The following MDGA2 variants were observed in gnomAD, a reference collection of about 807,000 sequenced individuals.
The protein encoded by MDGA2 is MAM domain-containing glycosylphosphatidylinositol anchor protein 2.
A neutral mutation model predicts 117.8 loss-of-function variants in MDGA2; 40 were observed. That is an observed-to-expected ratio of 0.34 (90% CI 0.26 to 0.44). The LOEUF (loss-of-function observed/expected upper bound fraction) is 0.44. Ranked by LOEUF, MDGA2 falls within the 20% of genes least tolerant of loss-of-function variation. MDGA2 has a pLI of 1.00. For missense variants in MDGA2, 1,123 were observed against 1,250.6 expected (o/e 0.90, Z 1.54); for synonymous variants, 452 against 439.0 (o/e 1.03, Z -0.37).
intron 5 of MDGA2, among the ~76,000 whole-genome samples, chr14:47,098,822 A>G (rs941437262): frequency 5.9e-5 from 9 of 152,114 alleles, no homozygotes; most frequent in Admixed American, 5.9e-4. Context: ...TATTTGGACT[A>G]TGGACATACC....
chr14:47,196,623 A>G (rs529111794), intron 3 of MDGA2, among the ~76,000 whole-genome samples: 62 of 152,348 alleles, frequency 4.1e-4, no homozygotes, highest in African/African-American at 1.4e-3. Flanking sequence ...ATTATTTAAA[A>G]GTATATTCTC....
At chr14:47,627,754 CTTTGTTCT>C (rs936950332) in intron 1 of MDGA2, among the ~76,000 whole-genome samples, 4 of 152,186 alleles carry the variant, frequency 2.6e-5, no homozygotes, top group South Asian at 2.1e-4. Flanking sequence ...ATTGTGGAAG[CTTTGTTCT>C]TTTGTTCTTT....
rs1880626385 is a variant in MDGA2 at position 46,841,882 on chromosome 14, C to T, written c.*49G>A. ...CAATGTCCATTTACAAAGACTCTTT[C>T]TTCATGCCAGTGCCTGGTGAATCTT... On this transcript the variant is annotated 3_prime_UTR_variant, in exon 17 of 17. Transcript: ENST00000399232. 2.4e-6 allele frequency: 3 copies of T among 1,259,646 alleles called. No homozygotes were observed. Among genetic ancestry groups the T allele is most frequent in the Non-Finnish European group, 3.4e-6 (3 of 877,518 alleles). The allele number at this position is 1,259,646 out of a possible 1,614,324, so 78.0% of individuals were successfully genotyped here. A position where few individuals can be genotyped will look rare whatever the true frequency, so the allele number is the denominator to read the frequency against.
chr14:47,265,949 C>A (rs1179092102), intron 2 of MDGA2, among the ~76,000 whole-genome samples: 1 of 152,110 alleles, frequency 6.6e-6, no homozygotes, highest in African/African-American at 2.4e-5. Flanking sequence ...CTCCACAAAT[C>A]TTTACTACTA....
At chr14:47,015,344 T>C (rs1333893309) in intron 8 of MDGA2, among the ~76,000 whole-genome samples, 6 of 147,688 alleles carry the variant, frequency 4.1e-5, no homozygotes, top group Non-Finnish European at 6.0e-5. Context: ...AATGGCACCA[T>C]AGACTTGCTG....
At chr14:47,139,815 C>CACACATATATAT in intron 4 of MDGA2, among the ~76,000 whole-genome samples, 1 of 53,154 alleles carries the variant, frequency 1.9e-5, no homozygotes, top group East Asian at 6.7e-4. Flanking sequence ...TATATATATA[C>CACACATATATAT]ACACATATAT....
chr14:47,328,375 G>T (rs1277707751), intron 1 of MDGA2, among the ~76,000 whole-genome samples: 1 of 152,118 alleles, frequency 6.6e-6, no homozygotes, highest in East Asian at 1.9e-4. Flanking sequence ...GTACAAAAAA[G>T]AAGTGTTTGG....
chr14:47,653,922 AGAAGTGCAGCTTT>A (rs1897692764), intron 1 of MDGA2, among the ~76,000 whole-genome samples: 2 of 152,190 alleles, frequency 1.3e-5, no homozygotes, highest in South Asian at 4.1e-4. Flanking sequence ...GCTTTCAAAA[AGAAGTGCAGCTTT>A]GCTGACCCCT....
intron 2 of MDGA2, among the ~76,000 whole-genome samples, chr14:47,259,255 T>C (rs1038754486): frequency 2.6e-5 from 4 of 152,072 alleles, no homozygotes; most frequent in African/African-American, 7.2e-5. Context: ...TCTCATCAAA[T>C]CTTTCTGAAG....
chr14:47,224,168 G>T (rs1388393466), intron 2 of MDGA2, among the ~76,000 whole-genome samples: 1 of 151,986 alleles, frequency 6.6e-6, no homozygotes, highest in East Asian at 1.9e-4. Context: ...AACATTAACA[G>T]AAAAAGAATG....
At chr14:47,123,776 A>G (rs995270631) in intron 5 of MDGA2, among the ~76,000 whole-genome samples, 2 of 152,100 alleles carry the variant, frequency 1.3e-5, no homozygotes, top group African/African-American at 2.4e-5. Context: ...TTAATCATCC[A>G]TGATTGAAGC....
chr14:46,873,379 TTTC>T, intron 14 of MDGA2, 51 bp downstream of exon 14: 1 of 1,476,880 alleles, frequency 6.8e-7, no homozygotes, highest in Non-Finnish European at 9.1e-7. Context: ...TATGAACCTT[TTTC>T]TTCTTAGTTA....
chr14:47,091,572 T>C (rs1481202723), intron 6 of MDGA2, among the ~76,000 whole-genome samples: 1 of 152,102 alleles, frequency 6.6e-6, no homozygotes, highest in African/African-American at 2.4e-5. Context: ...ATGGGAGTCA[T>C]ATGAAATGAT....
At chr14:47,361,646 C>T (rs1265646529) in intron 1 of MDGA2, among the ~76,000 whole-genome samples, 1 of 152,014 alleles carries the variant, frequency 6.6e-6, no homozygotes, top group East Asian at 1.9e-4. Flanking sequence ...TTCTAATGGG[C>T]TTCAGAATGT....
intron 7 of MDGA2, among the ~76,000 whole-genome samples, chr14:47,041,159 T>C (rs1275702214): frequency 1.3e-5 from 2 of 152,120 alleles, no homozygotes; most frequent in Admixed American, 1.3e-4. Context: ...GATGCAGATC[T>C]TGAGATGTGT....
chr14:47,583,903 T>C (rs1194614351), intron 1 of MDGA2, among the ~76,000 whole-genome samples: 2 of 151,838 alleles, frequency 1.3e-5, no homozygotes, highest in East Asian at 1.9e-4. Context: ...ATTTTAGTTA[T>C]GTAAAGGGAA....
intron 1 of MDGA2, among the ~76,000 whole-genome samples, chr14:47,641,178 T>C (rs1165561448): frequency 6.6e-6 from 1 of 152,124 alleles, no homozygotes; most frequent in Non-Finnish European, 1.5e-5. Context: ...TCTCAACTTG[T>C]TATACTTGAA....
At chr14:46,914,109 T>A (rs1377411347) in intron 10 of MDGA2, among the ~76,000 whole-genome samples, 1 of 152,138 alleles carries the variant, frequency 6.6e-6, no homozygotes, top group African/African-American at 2.4e-5. Flanking sequence ...TGTAATTGTG[T>A]ACATTTCAAA....
At chr14:47,231,115 G>A (rs951660850) in intron 2 of MDGA2, among the ~76,000 whole-genome samples, 1 of 151,998 alleles carries the variant, frequency 6.6e-6, no homozygotes, top group Non-Finnish European at 1.5e-5. Context: ...ACTAAATTGA[G>A]ATTCAAAAAT....
Sources: gnomAD v4.1 joint callset for allele counts (sites outside exome capture counted in the v4.1 genomes callset) on GRCh38, gnomAD v4.1.1 for gene constraint, MANE v1.5 for transcripts, NCBI Gene and HGNC (gene_info 2026-07-23, HGNC 2026-07-21) for gene names.